Variants in RELT observed in about 807,000 individuals in gnomAD.
RELT encodes RELT TNF receptor, also known as tumor necrosis factor receptor superfamily member 19L.
RELT carries 37 observed loss-of-function variants against 51.1 expected under a neutral mutation model. That is an observed-to-expected ratio of 0.72 (90% CI 0.56 to 0.95). The LOEUF (loss-of-function observed/expected upper bound fraction) is 0.95. RELT is among the 40% of genes least tolerant of loss of function. The pLI is 0.00. For missense variants in RELT, 535 were observed against 572.6 expected, an observed-to-expected ratio of 0.93 and a Z score of 0.67; for synonymous variants, 241 against 235.7, an observed-to-expected ratio of 1.02 and a Z score of -0.21.
At position 73,393,537 on chromosome 11, in the gene RELT, A is replaced by G; in HGVS notation, c.626-300A>G. The G allele has an allele frequency of 3.0e-6, 4 of 1,318,346 alleles. No homozygotes were observed. The South Asian group carries it at 5.6e-5, about 18-fold the overall frequency. The allele number at this position is 1,318,346 out of a possible 1,614,324, so 81.7% of individuals were successfully genotyped here. A position where few individuals can be genotyped will look rare whatever the true frequency, so the allele number is the denominator to read the frequency against. ...GAGGAGGAGACAGTGCAGACCCAGAAGACGCTGACGCACCGCCCCCTCGCC... is the reference window on the plus strand; with the variant it reads ...GAGGAGGAGACAGTGCAGACCCAGAGGACGCTGACGCACCGCCCCCTCGCC... On this transcript the variant is annotated intron_variant, in intron 6 of 10. Transcript: ENST00000064780.
At chr11:73,379,678 C>T (rs1021547382) in intron 1 of RELT, among the ~76,000 whole-genome samples, 2 of 152,208 alleles carry the variant, frequency 1.3e-5, no homozygotes, top group Non-Finnish European at 2.9e-5. Flanking sequence ...GCACTGGAAG[C>T]AGGCCCAAGA....
At position 73,397,269 on chromosome 11, in the gene RELT, G is replaced by C. The variant is rs2134461160; in HGVS notation, c.*1778G>C. ...AGTGGTCACCTGGGCCTTATGCCCA[G>C]GGAGCCTCCAAAGCATTCAGCTCCT... On this transcript the variant is annotated 3_prime_UTR_variant, in exon 11 of 11. Coordinates refer to ENST00000064780, the MANE Select transcript of RELT (RefSeq NM_152222.2). 1 of 152,352 alleles carries C rather than the reference G, an allele frequency of 6.6e-6. No individual in the cohort carries two copies. The highest frequency in any genetic ancestry group is 2.4e-5 in the African/African-American group (1 of 41,578). 9.4% of individuals were successfully genotyped at this position (152,352 alleles called of 1,614,324 possible). A position where few individuals can be genotyped will look rare whatever the true frequency, so the allele number is the denominator to read the frequency against.
chr11:73,381,751 C>A (rs1175679012), intron 1 of RELT, among the ~76,000 whole-genome samples: 1 of 152,198 alleles, frequency 6.6e-6, no homozygotes, highest in Non-Finnish European at 1.5e-5. Flanking sequence ...CATTCCTGAC[C>A]ATGGCCCTGG....
chr11:73,379,866 A>G (rs1866024612), intron 1 of RELT, among the ~76,000 whole-genome samples: 1 of 152,214 alleles, frequency 6.6e-6, no homozygotes, highest in South Asian at 2.1e-4. Flanking sequence ...TCACCTGGCA[A>G]TGAGGCCTTT....
In RELT at chr11:73,391,196, G is replaced by C. The variant is rs1346187317; in HGVS notation, c.340G>C (p.Ala114Pro). 1 of 1,613,866 alleles carries C rather than the reference G, an allele frequency of 6.2e-7. No individual in the cohort carries two copies. Among genetic ancestry groups the C allele is most frequent in the African/African-American group, 1.3e-5 (1 of 74,928 alleles). The change falls in exon 5 of 11, where the codon GCA (alanine) becomes CCA (proline). Residue 114 changes from alanine (A) to proline (P), a missense_variant. By Grantham distance (27) the Ala-to-Pro change is conservative. Transcript: ENST00000064780. ...PRVPCQPCSW[A>P]PLGTHGCDEW... ...CGTTCCATGTCAACCATGTTCCTGG[G>C]CACCTCTGGGTACTCATGGCTGTGA...
In RELT at chr11:73,378,787, C is replaced by T. The variant is rs535863898; in HGVS notation, c.-26+2288C>T. Among the ~76,000 whole-genome samples the T allele has an allele frequency of 4.1e-4, 62 of 152,354 alleles. 1 individual carries two copies. In the South Asian group the frequency reaches 0.013, roughly 32 times the overall value. ...ACCAGACATCACCAGAAAGTCCTGT[C>T]CCCTGCCTTCTAGAGCCTGGACCTG... On this transcript the variant is annotated intron_variant, in intron 1 of 10. Coordinates refer to ENST00000064780, the MANE Select transcript of RELT (RefSeq NM_152222.2).
At chr11:73,378,095 T>C (rs1208777915) in intron 1 of RELT, among the ~76,000 whole-genome samples, 2 of 152,168 alleles carry the variant, frequency 1.3e-5, no homozygotes, top group Non-Finnish European at 2.9e-5. Context: ...GAGAGACTTG[T>C]TCCCCAGGAG....
chr11:73,386,623 A>C (rs545188824), intron 1 of RELT, among the ~76,000 whole-genome samples: 5 of 152,326 alleles, frequency 3.3e-5, no homozygotes, highest in African/African-American at 1.2e-4. Flanking sequence ...GCAAGGCCCT[A>C]GGTGGCAGTG....
At chr11:73,377,501 G>A (rs930593919) in intron 1 of RELT, among the ~76,000 whole-genome samples, 3 of 152,068 alleles carry the variant, frequency 2.0e-5, no homozygotes, top group Non-Finnish European at 4.4e-5. Context: ...GAAAGCCGAG[G>A]CTGGGCAACA....
chr11:73,395,093 C>T lies in RELT; in HGVS notation c.1053C>T (p.Arg351=), dbSNP rs773863832. The change falls in exon 10 of 11, where the codon CGC becomes CGT. Residue 351 remains arginine (R), a synonymous_variant. Coordinates refer to ENST00000064780, the MANE Select transcript of RELT (RefSeq NM_152222.2). The part of the protein sequence containing the change: ...EITILSVGRF[R]VARIPEQRTS... ...TGCCCCACTCTCCTCACAGGTTCCG[C>T]GTGGCTCGAATTCCTGAGCAGCGGA... 1.9e-5 allele frequency: 31 copies of T among 1,613,030 alleles called. No homozygotes were observed. The African/African-American group carries it at 2.7e-4, about 14-fold the overall frequency.
In RELT at chr11:73,393,887, G is replaced by A. The variant is rs373002409; in HGVS notation, c.676G>A (p.Val226Ile). The change falls in exon 7 of 11, where the codon GTC becomes ATC. Residue 226 changes from valine (V) to isoleucine (I), a missense_variant. Coordinates refer to ENST00000064780, the MANE Select transcript of RELT (RefSeq NM_152222.2). ...TEDANEDTIG[V>I]LVRLITEKKE... ...GGATGCCAATGAGGACACCATTGGG[G>A]TCCTGGTGCGCTTGATCACAGAGAA... The A allele has an allele frequency of 6.2e-7, 1 of 1,614,046 alleles. No homozygotes were observed. Among genetic ancestry groups the A allele is most frequent in the African/African-American group, 1.3e-5 (1 of 75,024 alleles).
rs1041137014 is a variant in RELT, at chr11:73,393,635, A to C, written c.626-202A>C. The C allele has an allele frequency of 2.0e-6, 3 of 1,531,654 alleles. No homozygotes were observed. The African/African-American group carries it at 4.1e-5, about 21-fold the overall frequency. 94.9% of individuals were successfully genotyped at this position (1,531,654 alleles called of 1,614,324 possible). On this transcript the variant is annotated intron_variant, in intron 6 of 10. Transcript: ENST00000064780. ...ACCCGGGCTGTTGGGTGCAGGAAGC[A>C]CTGGTGTTGAATCATGAAGGTGATA...
Position 73,394,492 on chromosome 11 carries a change from C to T in RELT, c.804C>T (p.Pro268=), listed in dbSNP as rs765233662. ...HRPVSKLPPA[P]PNVPHICPHR... The stretch of plus-strand genomic sequence containing the variant: ...CCCCCTGCAGGCTGCCGCCAGCGCC[C>T]CCGAACGTGCCACACATCTGCCCGC... Residue 268 remains proline (P), a synonymous_variant, in exon 9 of 11, where the codon CCC becomes CCT. Transcript: ENST00000064780. The surrounding 1 kb of genome is among the most constrained non-coding windows in gnomAD (Gnocchi z 4.9). 3 of 1,609,902 alleles carry T rather than the reference C, an allele frequency of 1.9e-6. No individual in the cohort carries two copies. Among genetic ancestry groups the T allele is most frequent in the Admixed American group, 3.3e-5 (2 of 59,984 alleles).
At chr11:73,383,133 G>C (rs1447602241) in intron 1 of RELT, among the ~76,000 whole-genome samples, 3 of 152,184 alleles carry the variant, frequency 2.0e-5, no homozygotes, top group African/African-American at 7.2e-5. Context: ...GTGCTCCCCA[G>C]CCCTTGAGGG....
In RELT at chr11:73,392,236, C is replaced by T. The variant is rs1472026259; in HGVS notation, c.393C>T (p.Gly131=). 8.1e-6 allele frequency: 13 copies of T among 1,611,886 alleles called. No individual in the cohort carries two copies. In the East Asian group the frequency reaches 2.7e-4, roughly 33 times the overall value. Residue 131 remains glycine, a synonymous_variant, in exon 6 of 11, where the codon GGC becomes GGT. Transcript: ENST00000064780. ...AGTGGGGGCGGCGGGCCCGACGTGGCGTGGAGGTGGCAGCAGGGGCCAGCA... is the reference window on the plus strand; with the variant it reads ...AGTGGGGGCGGCGGGCCCGACGTGGTGTGGAGGTGGCAGCAGGGGCCAGCA... ...CDEWGRRARR[G]VEVAAGASSG... is the part of the protein sequence containing the mutation.
At chr11:73,377,959 C>T (rs924878492) in intron 1 of RELT, among the ~76,000 whole-genome samples, 1 of 152,200 alleles carries the variant, frequency 6.6e-6, no homozygotes, top group African/African-American at 2.4e-5. Context: ...TAGCCTCCCA[C>T]CCAAAGGCTT....
chr11:73,383,320 C>T (rs1329441131), intron 1 of RELT, among the ~76,000 whole-genome samples: 3 of 152,220 alleles, frequency 2.0e-5, no homozygotes, highest in Non-Finnish European at 4.4e-5. Context: ...TCTTTTTCCC[C>T]GCTCTGGGAA....
intron 1 of RELT, among the ~76,000 whole-genome samples, chr11:73,383,950 T>C (rs1866085627): frequency 6.6e-6 from 1 of 152,208 alleles, no homozygotes; most frequent in South Asian, 2.1e-4. Context: ...TCTTCCTGCC[T>C]TGGGTGTGGC....
chr11:73,383,583 G>T (rs1451202569), intron 1 of RELT, among the ~76,000 whole-genome samples: 1 of 152,218 alleles, frequency 6.6e-6, no homozygotes, highest in Non-Finnish European at 1.5e-5. Flanking sequence ...ACACTGCAAG[G>T]ACATTTACTA....
Sources: gnomAD v4.1 joint callset for allele counts (sites outside exome capture counted in the v4.1 genomes callset) on GRCh38, gnomAD v4.1.1 for gene constraint, Gnocchi (gnomAD v3.1) non-coding constraint, MANE v1.5 for transcripts, NCBI Gene and HGNC (gene_info 2026-07-23, HGNC 2026-07-21) for gene names.